The following ERBB4 variants were observed in gnomAD, a reference collection of about 807,000 sequenced individuals.
The protein encoded by ERBB4 is erb-b2 receptor tyrosine kinase 4, also known as receptor tyrosine-protein kinase erbB-4.
In ERBB4, 42 loss-of-function variants were observed where a neutral mutation model predicts 158.0. That is an observed-to-expected ratio of 0.27 (90% CI 0.21 to 0.34). ERBB4 has a LOEUF of 0.34. Among genes scored for constraint, ERBB4 ranks in the 10% least tolerant of loss-of-function variants. ERBB4 has a pLI of 1.00. For synonymous variants in ERBB4, 583 were observed against 558.7 expected (o/e 1.04, Z -0.61); for missense variants, 1,333 against 1,624.1 (o/e 0.82, Z 3.08).
intron 1 of ERBB4, among the ~76,000 whole-genome samples, chr2:212,153,875 T>C (rs2125633717): frequency 6.6e-6 from 1 of 152,284 alleles, no homozygotes; most frequent in South Asian, 2.1e-4. Flanking sequence ...AATGCTGTTC[T>C]ATCCCAGTTT....
chr2:212,078,220 C>T (rs890902335), intron 2 of ERBB4, among the ~76,000 whole-genome samples: 2 of 152,000 alleles, frequency 1.3e-5, no homozygotes. Context: ...GTCCCAGCAA[C>T]TTCACTTTAA....
At chr2:212,417,791 C>A (rs145436036) in intron 1 of ERBB4, among the ~76,000 whole-genome samples, 5 of 152,108 alleles carry the variant, frequency 3.3e-5, no homozygotes, top group African/African-American at 1.2e-4. Flanking sequence ...TTTAATGACA[C>A]AGAAATAAGT....
chr2:212,351,400 T>A (rs781322648), intron 1 of ERBB4, among the ~76,000 whole-genome samples: 3 of 152,158 alleles, frequency 2.0e-5, no homozygotes, highest in Non-Finnish European at 2.9e-5. Flanking sequence ...GCTACCCAGC[T>A]GTTGTTATGG....
chr2:212,490,119 C>T (rs181664104), intron 1 of ERBB4, among the ~76,000 whole-genome samples: 9 of 151,946 alleles, frequency 5.9e-5, no homozygotes, highest in Admixed American at 5.9e-4. Context: ...TGCAAGAGCA[C>T]CTTTGTAAAG....
At chr2:212,536,745 A>T (rs995421955) in intron 1 of ERBB4, among the ~76,000 whole-genome samples, 1 of 152,144 alleles carries the variant, frequency 6.6e-6, no homozygotes, top group African/African-American at 2.4e-5. Flanking sequence ...ATTGCTGCGG[A>T]CTCGGAGCGG....
intron 1 of ERBB4, among the ~76,000 whole-genome samples, chr2:212,314,622 C>G (rs1347392841): frequency 1.3e-5 from 2 of 150,500 alleles, no homozygotes; most frequent in Non-Finnish European, 3.0e-5. Flanking sequence ...AATTTTGAAG[C>G]TTCAAAAGAT....
chr2:212,165,221 G>A (rs1022765822), intron 1 of ERBB4, among the ~76,000 whole-genome samples: 7 of 151,878 alleles, frequency 4.6e-5, no homozygotes, highest in Admixed American at 2.0e-4. Context: ...TGCAAGTTGC[G>A]AGTGGGATTC....
At chr2:212,445,586 C>T (rs530649772) in intron 1 of ERBB4, among the ~76,000 whole-genome samples, 5 of 152,264 alleles carry the variant, frequency 3.3e-5, no homozygotes, top group African/African-American at 1.2e-4. Context: ...AATCAGACTA[C>T]TACTCCATAA....
rs1688581568 is a variant in ERBB4 at position 212,461,659 on chromosome 2, A to C, written c.82+76790T>G. ...TTAAGACTTTGGGGGACTGTTGGGG[A>C]GGCATAATTGGTTCCAAAATGTGAG... On this transcript the variant is annotated intron_variant, in intron 1 of 27. Coordinates refer to ENST00000342788, the MANE Select transcript of ERBB4 (RefSeq NM_005235.3). Among the ~76,000 whole-genome samples the C allele has an allele frequency of 2.0e-5, 3 of 152,184 alleles. No homozygotes were observed. The South Asian group carries it at 6.2e-4, about 32-fold the overall frequency.
chr2:211,811,882 T>C (rs758085400), intron 3 of ERBB4, among the ~76,000 whole-genome samples: 2 of 151,468 alleles, frequency 1.3e-5, no homozygotes, highest in Non-Finnish European at 2.9e-5. Flanking sequence ...ATTTAGGGTC[T>C]TCTCTACACT....
intron 25 of ERBB4, among the ~76,000 whole-genome samples, chr2:211,413,358 A>T (rs975146599): frequency 1.3e-5 from 2 of 151,212 alleles, no homozygotes; most frequent in South Asian, 2.1e-4. Flanking sequence ...ATTGATAAAA[A>T]AAAAAATAAA....
intron 3 of ERBB4, among the ~76,000 whole-genome samples, chr2:211,878,862 G>A (rs1274851498): frequency 6.6e-6 from 1 of 151,800 alleles, no homozygotes; most frequent in Admixed American, 6.6e-5. Context: ...GAAAAACACA[G>A]GATAATTCTA....
intron 20 of ERBB4, among the ~76,000 whole-genome samples, chr2:211,436,812 T>C (rs2063864922): frequency 6.6e-6 from 1 of 152,144 alleles, no homozygotes. Context: ...TTAACAATAA[T>C]TCACCCGAAG....
intron 2 of ERBB4, among the ~76,000 whole-genome samples, chr2:211,990,014 C>T (rs1164191543): frequency 1.3e-5 from 2 of 150,750 alleles, no homozygotes; most frequent in African/African-American, 4.9e-5. Context: ...AAAAATAATC[C>T]CTGTAAATAA....
chr2:212,346,695 C>T (rs1367954753), intron 1 of ERBB4, among the ~76,000 whole-genome samples: 1 of 152,060 alleles, frequency 6.6e-6, no homozygotes, highest in Non-Finnish European at 1.5e-5. Flanking sequence ...ATTTCTGTTA[C>T]AGCACTATTG....
chr2:211,805,987 C>T (rs935056470), intron 3 of ERBB4, among the ~76,000 whole-genome samples: 8 of 151,566 alleles, frequency 5.3e-5, no homozygotes, highest in African/African-American at 1.9e-4. Flanking sequence ...ATAAAGGATA[C>T]ATCCAGGAAG....
At chr2:211,482,161 T>C (rs1200044818) in intron 20 of ERBB4, among the ~76,000 whole-genome samples, 1 of 152,128 alleles carries the variant, frequency 6.6e-6, no homozygotes, top group Admixed American at 6.5e-5. Context: ...AACTGCAGAG[T>C]GTCCCTCTTT....
At chr2:212,373,815 G>GTA (rs1405280242) in intron 1 of ERBB4, among the ~76,000 whole-genome samples, 2 of 76,292 alleles carry the variant, frequency 2.6e-5, no homozygotes, top group South Asian at 4.4e-4. Flanking sequence ...ATATATCCAT[G>GTA]TATATATCCA....
intron 2 of ERBB4, among the ~76,000 whole-genome samples, chr2:212,041,750 G>A (rs1349651361): frequency 1.3e-5 from 2 of 152,066 alleles, no homozygotes; most frequent in Non-Finnish European, 2.9e-5. Flanking sequence ...TCTCTGGAGT[G>A]TCAAAGGCAT....
Sources: allele counts gnomAD v4.1 joint callset (sites outside exome capture counted in the v4.1 genomes callset), GRCh38; gene constraint gnomAD v4.1.1; transcripts MANE v1.5; gene names NCBI Gene and HGNC (gene_info 2026-07-23, HGNC 2026-07-21).